The following NFATC2 variants were observed in gnomAD, a reference collection of about 807,000 sequenced individuals.
The protein encoded by NFATC2 is nuclear factor of activated T cells 2.
Under a neutral mutation model 87.3 loss-of-function variants are expected in NFATC2, and 22 were observed. The ratio of observed to expected loss-of-function variants is 0.25; its 90% CI spans 0.18 to 0.36. The LOEUF is 0.36. Among genes scored for constraint, NFATC2 ranks in the 10% least tolerant of loss-of-function variants. The pLI is 1.00. For missense variants in NFATC2, 1,149 were observed against 1,259.1 expected (o/e 0.91, Z 1.32); for synonymous variants, 565 against 542.2 (o/e 1.04, Z -0.58).
intron 1 of NFATC2, among the ~76,000 whole-genome samples, chr20:51,561,440 A>AAAGAAAGAAAGG (rs1568765518): frequency 1.8e-4 from 15 of 81,484 alleles, no homozygotes; most frequent in Non-Finnish European, 3.8e-4. Flanking sequence ...GAAAAGAAAG[A>AAAGAAAGAAAGG]AAGAAAGAAA....
chr20:51,396,648 CTCCAGGCCAAA>C lies in NFATC2; in HGVS notation c.*44+1984_*44+1994del, dbSNP rs138101609. ...GGATGGGAATCAAGAGGGCTGCATT[CTCCAGGCCAAA>C]TCAAAGAATCTGAGAGCCAAGAGGG... On this transcript the variant is annotated intron_variant, in intron 10 of 10. Coordinates refer to ENST00000371564, the MANE Select transcript of NFATC2 (RefSeq NM_012340.5). Among the ~76,000 whole-genome samples, 1,397 of 152,308 alleles carry C rather than the reference CTCCAGGCCAAA, an allele frequency of 9.2e-3. 18 individuals are homozygous for C. The highest frequency in any genetic ancestry group is 0.031 in the African/African-American group (1,302 of 41,568).
rs375019669 is a variant in NFATC2, at chr20:51,475,458, G to A, written c.1535C>T (p.Thr512Ile). The A allele has an allele frequency of 3.0e-5, 48 of 1,613,444 alleles. No homozygotes were observed. Among genetic ancestry groups the A allele is most frequent in the African/African-American group, 9.3e-5 (7 of 74,950 alleles). The change falls in exon 4 of 11, where the codon ACC (threonine) becomes ATC (isoleucine). Residue 512 changes from threonine to isoleucine, a missense_variant and splice_region_variant. Around this residue, in one of 3 missense-constraint regions of NFATC2, gnomAD observed 581 missense variants for 649.7 expected, o/e 0.89. Transcript: ENST00000371564. The part of the protein sequence containing the change: ...PLEPKNNMRA[T>I]IDCAGILKLR... ...GCCGCCCTCAGCTCCCAGCCCTTAC[G>A]TTGCCCTCATGTTGTTTTTGGGCTC...
chr20:51,459,256 T>C (rs1986886503), intron 5 of NFATC2, among the ~76,000 whole-genome samples: 1 of 152,170 alleles, frequency 6.6e-6, no homozygotes, highest in African/African-American at 2.4e-5. Context: ...TGCCATGACA[T>C]GGGTGGACCT....
intron 9 of NFATC2, among the ~76,000 whole-genome samples, chr20:51,411,732 T>G (rs940505433): frequency 2.6e-5 from 4 of 152,066 alleles, no homozygotes; most frequent in Non-Finnish European, 5.9e-5. Context: ...TTCAACATGT[T>G]GGCCAGCCTG....
At chr20:51,453,199 GT>G (rs1264344975) in intron 6 of NFATC2, among the ~76,000 whole-genome samples, 3 of 152,206 alleles carry the variant, frequency 2.0e-5, no homozygotes, top group African/African-American at 7.2e-5. Flanking sequence ...TCACACCCCG[GT>G]CACATGTCCA....
At chr20:51,496,945 C>T (rs1012487537) in intron 3 of NFATC2, among the ~76,000 whole-genome samples, 1 of 152,238 alleles carries the variant, frequency 6.6e-6, no homozygotes, top group African/African-American at 2.4e-5. Context: ...ATCCTGGCTG[C>T]CGCGACAGCC....
At chr20:51,537,387 T>A (rs1259788585) in intron 1 of NFATC2, among the ~76,000 whole-genome samples, 1 of 152,076 alleles carries the variant, frequency 6.6e-6, no homozygotes, top group Middle Eastern at 3.2e-3. Flanking sequence ...GGCTGTGACC[T>A]CAAAAGTGTA....
chr20:51,457,259 C>T (rs995416780), intron 5 of NFATC2, among the ~76,000 whole-genome samples: 1 of 152,208 alleles, frequency 6.6e-6, no homozygotes, highest in Non-Finnish European at 1.5e-5. Flanking sequence ...CAGCTGGGGG[C>T]TTTTGGCCCC....
intron 5 of NFATC2, 78 bp downstream of exon 5, chr20:51,473,902 C>A: frequency 6.6e-7 from 1 of 1,511,558 alleles, no homozygotes; most frequent in Non-Finnish European, 9.0e-7. Flanking sequence ...GTACCTCGCC[C>A]AGAATACACT....
intron 5 of NFATC2, among the ~76,000 whole-genome samples, chr20:51,472,933 T>C (rs1429197038): frequency 1.3e-5 from 2 of 152,210 alleles, no homozygotes; most frequent in Non-Finnish European, 2.9e-5. Flanking sequence ...TTCTTCATGC[T>C]TTCTAAAATA....
rs908796120 is a variant in NFATC2, at chr20:51,470,905, T to C, written c.1708+3075A>G. On this transcript the variant is annotated intron_variant, in intron 5 of 10. Transcript: ENST00000371564. ...GGCCAACTGGTAGCTCAGCTTGGTA[T>C]TGCAAGAGAGGGTGGGTTATGGGAA... Among the ~76,000 whole-genome samples the C allele has an allele frequency of 2.0e-5, 3 of 152,254 alleles. 1 individual carries two copies. The highest frequency in any genetic ancestry group is 1.5e-5 in the Non-Finnish European group (1 of 68,010).
At chr20:51,491,251 G>A (rs558763812) in intron 3 of NFATC2, among the ~76,000 whole-genome samples, 2 of 151,776 alleles carry the variant, frequency 1.3e-5, no homozygotes, top group East Asian at 3.9e-4. Context: ...CTATCTCTGA[G>A]TGATTCTTCC....
At chr20:51,554,572 C>G (rs969316719) in intron 1 of NFATC2, among the ~76,000 whole-genome samples, 1 of 152,204 alleles carries the variant, frequency 6.6e-6, no homozygotes, top group African/African-American at 2.4e-5. Context: ...ACCCCTTTGT[C>G]TTTGCTGAGA....
At position 51,511,564 on chromosome 20, in the gene NFATC2, C is replaced by A. The variant is rs575769000; in HGVS notation, c.1332+5220G>T. ...CCAAAGAGAACTTGCAATCTTCCCC[C>A]AAGAAAACACTTTCTTTCCCAAGTC... On this transcript the variant is annotated intron_variant, in intron 3 of 10. Transcript: ENST00000371564. Among the ~76,000 whole-genome samples the A allele has an allele frequency of 1.3e-4, 20 of 152,372 alleles. 1 individual carries two copies. Among genetic ancestry groups the A allele is most frequent in the African/African-American group, 4.8e-4 (20 of 41,596 alleles).
At chr20:51,464,970 A>G (rs182126927) in intron 5 of NFATC2, among the ~76,000 whole-genome samples, 1 of 152,340 alleles carries the variant, frequency 6.6e-6, no homozygotes, top group Non-Finnish European at 1.5e-5. Flanking sequence ...CAGATGATTA[A>G]TAACTTCATT....
intron 1 of NFATC2, among the ~76,000 whole-genome samples, chr20:51,547,963 A>G (rs958564129): frequency 6.6e-6 from 1 of 152,090 alleles, no homozygotes; most frequent in Non-Finnish European, 1.5e-5. Flanking sequence ...TTTTGCCCCT[A>G]TGTGGAGCAA....
At chr20:51,561,416 GAAAGAGAGAGAAAGA>G (rs1230755469) in intron 1 of NFATC2, among the ~76,000 whole-genome samples, 6 of 138,916 alleles carry the variant, frequency 4.3e-5, no homozygotes, top group East Asian at 2.1e-4. Flanking sequence ...AAGAAAGAAA[GAAAGAGAGAGAAAGA>G]AAAGAAAGAA....
At chr20:51,533,256 C>T (rs1412626183) in intron 1 of NFATC2, among the ~76,000 whole-genome samples, 1 of 152,224 alleles carries the variant, frequency 6.6e-6, no homozygotes, top group South Asian at 2.1e-4. Flanking sequence ...GGCAGGTGTG[C>T]ACAACCTAGA....
chr20:51,507,391 C>T (rs1465184463), intron 3 of NFATC2, among the ~76,000 whole-genome samples: 6 of 152,170 alleles, frequency 3.9e-5, no homozygotes, highest in Non-Finnish European at 8.8e-5. Flanking sequence ...TGGTCTCAGA[C>T]GTGGTTAATT....
Sources: allele counts gnomAD v4.1 joint callset (sites outside exome capture counted in the v4.1 genomes callset), GRCh38; gene constraint gnomAD v4.1.1; regional missense constraint gnomAD v4.1.1; transcripts MANE v1.5; gene names NCBI Gene and HGNC (gene_info 2026-07-23, HGNC 2026-07-21).